Variants in MAST4 observed in about 807,000 individuals in gnomAD.
The protein encoded by MAST4 is microtubule associated serine/threonine kinase family member 4, also known as microtubule-associated serine/threonine-protein kinase 4.
MAST4 carries 89 observed loss-of-function variants against 162.7 expected under a neutral mutation model. The ratio of observed to expected loss-of-function variants is 0.55; its 90% confidence interval spans 0.46 to 0.65. MAST4 has a LOEUF of 0.65. MAST4 is among the 30% of genes least tolerant of loss of function. MAST4 has a pLI of 0.00. For synonymous variants in MAST4, 1,479 were observed against 1,361.1 expected (o/e 1.09, Z -1.91); for missense variants, 3,153 against 3,374.0 (o/e 0.93, Z 1.62).
chr5:66,658,682 A>G (rs1746707104), intron 1 of MAST4, among the ~76,000 whole-genome samples: 1 of 152,162 alleles, frequency 6.6e-6, no homozygotes, highest in South Asian at 2.1e-4. Flanking sequence ...TGACGTTTGC[A>G]TGCCCCCTGG....
chr5:66,620,512 A>G (rs1744008765), intron 1 of MAST4, among the ~76,000 whole-genome samples: 1 of 152,194 alleles, frequency 6.6e-6, no homozygotes, highest in Non-Finnish European at 1.5e-5. Flanking sequence ...AGCCTTTAAA[A>G]AAAACAACAA....
intron 4 of MAST4, among the ~76,000 whole-genome samples, chr5:67,023,162 C>G (rs912053812): frequency 2.0e-5 from 3 of 152,100 alleles, no homozygotes; most frequent in African/African-American, 7.2e-5. Context: ...TTCTAAATAA[C>G]TATGATTTAT....
intron 5 of MAST4, among the ~76,000 whole-genome samples, chr5:67,078,879 AATAT>A (rs1415524734): frequency 1.1e-5 from 1 of 87,604 alleles, no homozygotes; most frequent in Non-Finnish European, 2.1e-5. Flanking sequence ...TATTTATATA[AATAT>A]ATTTATATAT....
intron 5 of MAST4, among the ~76,000 whole-genome samples, chr5:67,079,197 A>G (rs570583018): frequency 3.7e-4 from 56 of 151,762 alleles, no homozygotes; most frequent in Non-Finnish European, 7.4e-4. Flanking sequence ...AATCTTCAAA[A>G]CACTAAAATT....
intron 4 of MAST4, among the ~76,000 whole-genome samples, chr5:66,937,647 C>T (rs930280405): frequency 3.3e-5 from 5 of 151,790 alleles, no homozygotes; most frequent in African/African-American, 1.2e-4. Context: ...TTATGTAGTA[C>T]GTTCATCTAC....
At chr5:66,855,119 C>A (rs898693038) in intron 3 of MAST4, among the ~76,000 whole-genome samples, 2 of 152,156 alleles carry the variant, frequency 1.3e-5, no homozygotes, top group Non-Finnish European at 2.9e-5. Context: ...TAATCCCCAG[C>A]GTTGGAGGTG....
chr5:66,781,282 A>G (rs1754858245), intron 2 of MAST4, among the ~76,000 whole-genome samples: 1 of 152,202 alleles, frequency 6.6e-6, no homozygotes, highest in East Asian at 1.9e-4. Context: ...CCCTGCTCCC[A>G]GGTTAGTGGT....
intron 2 of MAST4, among the ~76,000 whole-genome samples, chr5:66,772,176 T>G (rs1754388465): frequency 6.6e-6 from 1 of 152,192 alleles, no homozygotes; most frequent in South Asian, 2.1e-4. Flanking sequence ...CTTGAGGTAC[T>G]GGGGAGGAGG....
chr5:67,144,690 A>G lies in MAST4; in HGVS notation c.2752A>G (p.Ile918Val), dbSNP rs1208730266. 3 of 1,613,848 alleles carry G rather than the reference A, an allele frequency of 1.9e-6. No individual in the cohort carries two copies. Among genetic ancestry groups the G allele is most frequent in the African/African-American group, 1.3e-5 (1 of 74,950 alleles). The change falls in exon 22 of 29, where the codon ATC (isoleucine) becomes GTC (valine). Residue 918 changes from isoleucine (I) to valine (V), a missense_variant. Transcript: ENST00000403625. ...FSKVFSSIDR[I>V]TQNSAEEKED... ...CCAGGTTTTCAGCAGTATAGATCGAATCACTCAGAATTCAGCAGAAGAGAA... is the reference window on the plus strand; with the variant it reads ...CCAGGTTTTCAGCAGTATAGATCGAGTCACTCAGAATTCAGCAGAAGAGAA...
At chr5:66,860,827 C>G (rs959502388) in intron 3 of MAST4, among the ~76,000 whole-genome samples, 6 of 151,726 alleles carry the variant, frequency 4.0e-5, no homozygotes, top group African/African-American at 1.5e-4. Flanking sequence ...TAGCATGCTT[C>G]CTTCCTACTT....
chr5:66,754,339 T>A (rs567698042), intron 1 of MAST4, among the ~76,000 whole-genome samples: 1 of 152,184 alleles, frequency 6.6e-6, no homozygotes, highest in Non-Finnish European at 1.5e-5. Context: ...GTTCAAAAAT[T>A]AGCATATTAG....
chr5:66,833,626 C>G (rs144035049), intron 3 of MAST4, among the ~76,000 whole-genome samples: 2 of 152,242 alleles, frequency 1.3e-5, no homozygotes, highest in East Asian at 3.9e-4. Context: ...TCCCGTTTAC[C>G]TACAATATCC....
intron 7 of MAST4, 55 bp downstream of exon 7, chr5:67,095,730 A>G: frequency 7.6e-7 from 1 of 1,312,638 alleles, no homozygotes; most frequent in Non-Finnish European, 1.0e-6. Flanking sequence ...CAGAGCTATT[A>G]CACAGGCAGT....
At chr5:66,623,942 A>G (rs1213200525) in intron 1 of MAST4, among the ~76,000 whole-genome samples, 2 of 152,218 alleles carry the variant, frequency 1.3e-5, no homozygotes, top group South Asian at 2.1e-4. Flanking sequence ...ATACAAAAAC[A>G]GTGGCATATC....
intron 2 of MAST4, among the ~76,000 whole-genome samples, chr5:66,763,335 T>A (rs536677319): frequency 3.3e-5 from 5 of 152,204 alleles, no homozygotes; most frequent in African/African-American, 1.2e-4. Context: ...AGTCGTTTAA[T>A]TGTAAAAATA....
intron 11 of MAST4, among the ~76,000 whole-genome samples, chr5:67,110,494 A>G (rs1177157909): frequency 1.3e-5 from 2 of 152,252 alleles, no homozygotes; most frequent in Non-Finnish European, 2.9e-5. Context: ...ACTTTATGTC[A>G]CAGCTAGTTT....
chr5:66,860,354 G>T (rs1335696232), intron 3 of MAST4, among the ~76,000 whole-genome samples: 1 of 152,148 alleles, frequency 6.6e-6, no homozygotes, highest in Admixed American at 6.5e-5. Flanking sequence ...CTTTTAGAGA[G>T]CAAATTATTG....
At position 66,611,808 on chromosome 5, in the gene MAST4, T is replaced by G. The variant is rs564920834; in HGVS notation, c.363+14790T>G. The stretch of plus-strand genomic sequence containing the variant: ...CAGTTTTTAGAAATTTATTTTGACA[T>G]TTAAGGACATCTGAAGGTGTATATT... On this transcript the variant is annotated intron_variant, in intron 1 of 28. Transcript: ENST00000403625. Among the ~76,000 whole-genome samples, 42 of 152,350 alleles carry G rather than the reference T, an allele frequency of 2.8e-4. 1 individual carries two copies. The East Asian group carries it at 7.7e-3, about 28-fold the overall frequency.
intron 7 of MAST4, among the ~76,000 whole-genome samples, chr5:67,099,326 G>T (rs1170691137): frequency 6.6e-6 from 1 of 151,530 alleles, no homozygotes; most frequent in African/African-American, 2.4e-5. Context: ...TTTATTGCTT[G>T]TAAAATAATC....
Sources: allele counts gnomAD v4.1 joint callset (sites outside exome capture counted in the v4.1 genomes callset), GRCh38; gene constraint gnomAD v4.1.1; transcripts MANE v1.5; gene names NCBI Gene and HGNC (gene_info 2026-07-23, HGNC 2026-07-21).